ANXA13: variants seen among roughly 807,000 people sequenced by gnomAD.
The protein encoded by ANXA13 is annexin XIII.
In ANXA13, 36 loss-of-function variants were observed where a neutral mutation model predicts 46.6. That is an observed-to-expected ratio of 0.77 (90% CI 0.59 to 1.02). ANXA13 has a LOEUF of 1.02. Ranked by LOEUF, ANXA13 falls within the 50% of genes least tolerant of loss-of-function variation. The probability of loss-of-function intolerance (pLI) is 0.00; values close to 1 mark genes in which losing one functional copy is unlikely to be tolerated. For synonymous variants in ANXA13, 163 were observed against 152.9 expected, an observed-to-expected ratio of 1.07 and a Z score of -0.49; for missense variants, 417 against 396.5, an observed-to-expected ratio of 1.05 and a Z score of -0.44.
chr8:123,692,423 A>AC (rs1173452251), intron 8 of ANXA13, among the ~76,000 whole-genome samples: 2 of 152,248 alleles, frequency 1.3e-5, no homozygotes, highest in African/African-American at 4.8e-5. Context: ...GGATGCCAAA[A>AC]AAAAAATCTG....
intron 1 of ANXA13, among the ~76,000 whole-genome samples, chr8:123,725,613 G>A (rs73331988): frequency 6.4e-4 from 98 of 152,328 alleles, no homozygotes; most frequent in African/African-American, 2.3e-3. Flanking sequence ...TCTGAAGCAT[G>A]AATCTTGGGT....
At chr8:123,694,028 A>C in intron 6 of ANXA13, among the ~76,000 whole-genome samples, 1 of 150,210 alleles carries the variant, frequency 6.7e-6, no homozygotes. Flanking sequence ...TCACCCACAC[A>C]CCCCACTGAC....
intron 8 of ANXA13, among the ~76,000 whole-genome samples, chr8:123,689,986 C>T (rs560975829): frequency 2.6e-5 from 4 of 152,268 alleles, no homozygotes; most frequent in African/African-American, 9.6e-5. Context: ...TTTAATGAAG[C>T]CCTGTTGCTT....
intron 10 of ANXA13, 56 bp from the exon 11 acceptor site, chr8:123,681,415 A>C: frequency 6.4e-7 from 1 of 1,558,660 alleles, no homozygotes; most frequent in Non-Finnish European, 8.8e-7. Flanking sequence ...GTTCACAAAC[A>C]GTGGGCACTG....
At chr8:123,681,787 AT>A (rs552093963) in intron 10 of ANXA13, among the ~76,000 whole-genome samples, 3 of 151,638 alleles carry the variant, frequency 2.0e-5, no homozygotes, top group Admixed American at 1.3e-4. Context: ...TGCCTGGCTA[AT>A]TTTTTTCTGT....
Position 123,722,318 on chromosome 8 carries a change from G to C in ANXA13, c.16-9565C>G, listed in dbSNP as rs1240834399. 2.9e-5 allele frequency among the ~76,000 whole-genome samples: 4 copies of C among 136,194 alleles called. No individual in the cohort carries two copies. In the East Asian group the frequency reaches 8.4e-4, roughly 29 times the overall value. 89.3% of individuals were successfully genotyped at this position (136,194 alleles called of 152,430 possible). A position where few individuals can be genotyped will look rare whatever the true frequency, so the allele number is the denominator to read the frequency against. ...ACAGAGTGAGACCCTGTCTCAAAAAGAAAGAAAGAAAAAGAAAGAAAAGAA... is the reference window on the plus strand; with the variant it reads ...ACAGAGTGAGACCCTGTCTCAAAAACAAAGAAAGAAAAAGAAAGAAAAGAA... On this transcript the variant is annotated intron_variant, in intron 1 of 10. Coordinates refer to ENST00000419625, the MANE Select transcript of ANXA13 (RefSeq NM_004306.4).
chr8:123,712,638 C>G (rs1212828010), intron 2 of ANXA13, 40 bp downstream of exon 2: 1 of 1,584,268 alleles, frequency 6.3e-7, no homozygotes, highest in Admixed American at 1.7e-5. Context: ...CAAGTTTAAT[C>G]AACTTCAGAA....
intron 10 of ANXA13, among the ~76,000 whole-genome samples, chr8:123,684,023 A>G (rs1210283338): frequency 6.6e-6 from 1 of 152,242 alleles, no homozygotes; most frequent in Non-Finnish European, 1.5e-5. Context: ...TTATGTATAA[A>G]GCACTGATAT....
chr8:123,735,825 G>C (rs1814252746), intron 1 of ANXA13: 1 of 1,612,582 alleles, frequency 6.2e-7, no homozygotes, highest in Non-Finnish European at 8.5e-7. Flanking sequence ...CGAGGGTTGG[G>C]AGTCCCCTTT....
At chr8:123,695,241 G>A (rs994183048) in intron 6 of ANXA13, among the ~76,000 whole-genome samples, 3 of 152,058 alleles carry the variant, frequency 2.0e-5, no homozygotes, top group Non-Finnish European at 4.4e-5. Context: ...AAATGACAAA[G>A]TGATGCTTAA....
chr8:123,684,522 G>A, intron 10 of ANXA13, 88 bp downstream of exon 10: 1 of 885,710 alleles, frequency 1.1e-6, no homozygotes, highest in Non-Finnish European at 1.8e-6. Flanking sequence ...CTGTAAATAG[G>A]CCCTTAATAG....
At chr8:123,720,677 T>TGTG (rs1813847337) in intron 1 of ANXA13, among the ~76,000 whole-genome samples, 1 of 151,556 alleles carries the variant, frequency 6.6e-6, no homozygotes, top group Non-Finnish European at 1.5e-5. Flanking sequence ...TGTGTGTGTG[T>TGTG]GTGTGTGTGT....
At chr8:123,711,990 G>A (rs1212052224) in intron 2 of ANXA13, 1 of 152,550 alleles carries the variant, frequency 6.6e-6, no homozygotes, top group Non-Finnish European at 1.5e-5. Context: ...TCCTAGGGAA[G>A]GGATCAGAGG....
At chr8:123,696,013 T>C (rs892332897) in intron 4 of ANXA13, among the ~76,000 whole-genome samples, 2 of 151,086 alleles carry the variant, frequency 1.3e-5, no homozygotes, top group Admixed American at 6.6e-5. Context: ...GGCTAACACC[T>C]TCTTTCACCA....
intron 8 of ANXA13, among the ~76,000 whole-genome samples, chr8:123,692,477 G>A (rs932226437): frequency 2.0e-5 from 3 of 152,168 alleles, no homozygotes; most frequent in African/African-American, 4.8e-5. Context: ...TGCTTTTCAG[G>A]GAAGGACTTA....
intron 1 of ANXA13, among the ~76,000 whole-genome samples, chr8:123,724,360 C>A (rs1327587192): frequency 6.6e-6 from 1 of 152,178 alleles, no homozygotes; most frequent in South Asian, 2.1e-4. Context: ...CACTCAAAAT[C>A]ATTTGGGATC....
At chr8:123,717,886 G>A (rs1465899181) in intron 1 of ANXA13, among the ~76,000 whole-genome samples, 2 of 152,346 alleles carry the variant, frequency 1.3e-5, no homozygotes, top group East Asian at 1.9e-4. Context: ...AGATGCGCTC[G>A]TGCTTGGCTT....
At chr8:123,704,886 C>G (rs1443244578) in intron 2 of ANXA13, among the ~76,000 whole-genome samples, 1 of 152,212 alleles carries the variant, frequency 6.6e-6, no homozygotes. Context: ...AGGCGACTTT[C>G]GCCCTTTGAC....
At chr8:123,684,561 GAA>G (rs1200880910) in intron 10 of ANXA13, 47 bp downstream of exon 10, 2 of 1,306,294 alleles carry the variant, frequency 1.5e-6, no homozygotes, top group Non-Finnish European at 2.2e-6. Flanking sequence ...ATCAGTGGTG[GAA>G]AAAAGAGAAG....
Sources: allele counts gnomAD v4.1 joint callset (sites outside exome capture counted in the v4.1 genomes callset), GRCh38; gene constraint gnomAD v4.1.1; transcripts MANE v1.5; gene names NCBI Gene and HGNC (gene_info 2026-07-23, HGNC 2026-07-21).